The following SARDH variants were observed in gnomAD, a reference collection of about 807,000 sequenced individuals.
The protein encoded by SARDH is sarcosine dehydrogenase, mitochondrial.
Under a neutral mutation model 109.1 loss-of-function variants are expected in SARDH, and 95 were observed. The observed-to-expected ratio is 0.87, with a 90% CI of 0.74 to 1.03. The LOEUF is 1.03. Ranked by LOEUF, SARDH falls within the 50% of genes least tolerant of loss-of-function variation. The pLI is 0.00. For synonymous variants in SARDH, 572 were observed against 534.8 expected, an observed-to-expected ratio of 1.07 and a Z score of -0.96; for missense variants, 1,267 against 1,287.8, an observed-to-expected ratio of 0.98 and a Z score of 0.25.
intron 17 of SARDH, among the ~76,000 whole-genome samples, chr9:133,673,215 G>A (rs1357655717): frequency 6.6e-6 from 1 of 152,258 alleles, no homozygotes; most frequent in Non-Finnish European, 1.5e-5. Flanking sequence ...CAGGAGGCGT[G>A]ATTTTCCTCA....
In SARDH at chr9:133,733,937, G is replaced by C. The variant is rs1221775271; in HGVS notation, c.237C>G (p.Cys79Trp). ...VVVIGGGSLG[C>W]QTLYHLAKLG... is the part of the protein sequence containing the mutation. ...GCTTGGCCAGGTGGTACAGGGTCTG[G>C]CAGCCCAAGCTGCCTCCACCAATGA... Residue 79 changes from cysteine to tryptophan, a missense_variant, in exon 2 of 21, where the codon TGC becomes TGG. Transcript: ENST00000439388. The C allele has an allele frequency of 6.3e-7, 1 of 1,597,166 alleles. No individual in the cohort carries two copies. The highest frequency in any genetic ancestry group is 8.5e-7 in the Non-Finnish European group (1 of 1,171,594).
Position 133,686,270 on chromosome 9 carries a change from A to G in SARDH, c.2070-984T>C, listed in dbSNP as rs894284160. ...AAGTACCGGAGACCTCACTGGAGCC[A>G]ACACCCATGGTCTCCCAGGAAGCCC... On this transcript the variant is annotated intron_variant, in intron 16 of 20. Coordinates refer to ENST00000439388, the MANE Select transcript of SARDH (RefSeq NM_001134707.2). This position sits in a 1 kb window ranked among gnomAD's most constrained non-coding sequence, Gnocchi z 4.0. Among the ~76,000 whole-genome samples the G allele has an allele frequency of 1.3e-5, 2 of 151,980 alleles. No individual in the cohort carries two copies. The highest frequency in any genetic ancestry group is 4.8e-5 in the African/African-American group (2 of 41,366).
At position 133,729,435 on chromosome 9, in the gene SARDH, C is replaced by T. The variant is rs137887671; in HGVS notation, c.915+330G>A. On this transcript the variant is annotated intron_variant, in intron 6 of 20. Transcript: ENST00000439388. Reference sequence around the variant, plus strand: ...AGCATGCAAACATTCGGGTCTTCCCCGAAACTCCTGGGCACAGAACATGGC... The same window carrying T: ...AGCATGCAAACATTCGGGTCTTCCCTGAAACTCCTGGGCACAGAACATGGC... 8.9e-3 allele frequency among the ~76,000 whole-genome samples: 1,356 copies of T among 152,190 alleles called. 18 individuals are homozygous for T. Among genetic ancestry groups the T allele is most frequent in the African/African-American group, 0.03 (1,264 of 41,528 alleles).
intron 20 of SARDH, among the ~76,000 whole-genome samples, chr9:133,665,679 G>A (rs963006909): frequency 2.0e-5 from 3 of 152,220 alleles, no homozygotes; most frequent in African/African-American, 7.2e-5. Flanking sequence ...CAGCTCCACA[G>A]GACCATGGTC....
rs118055008 is a variant in SARDH, at chr9:133,725,830, G to A, written c.915+3935C>T. Among the ~76,000 whole-genome samples, 29 of 152,250 alleles carry A rather than the reference G, an allele frequency of 1.9e-4. No homozygotes were observed. In the East Asian group the frequency reaches 5.2e-3, roughly 27 times the overall value. On this transcript the variant is annotated intron_variant, in intron 6 of 20. Transcript: ENST00000439388. ...ATGGCGTGTGGACTCCTCTGTACCC[G>A]AGGAACAGCCTTCTCTCAATCCCTC...
downstream of SARDH, among the ~76,000 whole-genome samples, chr9:133,662,231 C>CGA (rs1401651749): frequency 1.3e-5 from 2 of 152,152 alleles, no homozygotes; most frequent in Non-Finnish European, 2.9e-5. The surrounding 1 kb of genome is among the most constrained non-coding windows in gnomAD (Gnocchi z 5.1). Context: ...CCGTTGCGTG[C>CGA]ATTCCCCAGC....
At chr9:133,724,799 C>T (rs1287977853) in intron 6 of SARDH, among the ~76,000 whole-genome samples, 1 of 152,024 alleles carries the variant, frequency 6.6e-6, no homozygotes, top group African/African-American at 2.4e-5. Context: ...ATCCAGAATA[C>T]TCCAGTGAGC....
chr9:133,710,957 G>A (rs1298856977), intron 10 of SARDH, among the ~76,000 whole-genome samples: 2 of 152,204 alleles, frequency 1.3e-5, no homozygotes, highest in Non-Finnish European at 2.9e-5. Flanking sequence ...ACTCCAGGGT[G>A]GGTGCTCCTC....
At chr9:133,723,688 A>G (rs1406633014) in intron 6 of SARDH, among the ~76,000 whole-genome samples, 1 of 152,192 alleles carries the variant, frequency 6.6e-6, no homozygotes, top group Non-Finnish European at 1.5e-5. Flanking sequence ...GCATGAACCC[A>G]GGAGGCAGAG....
rs1032815761 is a variant in SARDH at position 133,692,247 on chromosome 9, G to C, written c.1922-1720C>G. Among the ~76,000 whole-genome samples, 6 of 152,138 alleles carry C rather than the reference G, an allele frequency of 3.9e-5. No individual in the cohort carries two copies. Among genetic ancestry groups the C allele is most frequent in the African/African-American group, 1.4e-4 (6 of 41,424 alleles). The stretch of plus-strand genomic sequence containing the variant: ...GGGGCAGGTCGCTGAGCCAGGTAGT[G>C]GCAGGACCTGGCCAGGATTTTTGGT... On this transcript the variant is annotated intron_variant, in intron 15 of 20. Transcript: ENST00000439388. This position sits in a 1 kb window ranked among gnomAD's most constrained non-coding sequence, Gnocchi z 5.0.
In SARDH at chr9:133,674,431, C is replaced by T. The variant is rs190959234; in HGVS notation, c.2164-2734G>A. On this transcript the variant is annotated intron_variant, in intron 17 of 20. Coordinates refer to ENST00000439388, the MANE Select transcript of SARDH (RefSeq NM_001134707.2). ...CAAATTGCAAGATGGAACTCCTGGCCGTGGATGGAGTCACAGAATTATGGA... is the reference window on the plus strand; with the variant it reads ...CAAATTGCAAGATGGAACTCCTGGCTGTGGATGGAGTCACAGAATTATGGA... 5.7e-4 allele frequency among the ~76,000 whole-genome samples: 87 copies of T among 152,304 alleles called. 1 individual carries two copies. Among genetic ancestry groups the T allele is most frequent in the African/African-American group, 1.9e-3 (80 of 41,550 alleles).
At chr9:133,677,513 G>A (rs1376978603) in intron 17 of SARDH, among the ~76,000 whole-genome samples, 1 of 152,174 alleles carries the variant, frequency 6.6e-6, no homozygotes, top group Non-Finnish European at 1.5e-5. Flanking sequence ...TTTAGGAATA[G>A]GTGCTTTGGA....
intron 17 of SARDH, among the ~76,000 whole-genome samples, chr9:133,679,215 C>A (rs1372584987): frequency 6.6e-6 from 1 of 152,228 alleles, no homozygotes; most frequent in Non-Finnish European, 1.5e-5. Flanking sequence ...CATCAGGGAA[C>A]CTGCCCATGA....
chr9:133,690,871 C>T (rs1010180595), intron 15 of SARDH, among the ~76,000 whole-genome samples: 2 of 152,160 alleles, frequency 1.3e-5, no homozygotes, highest in Non-Finnish European at 2.9e-5. Flanking sequence ...TGCGGCTCAC[C>T]GGCCTTGCTT....
intron 8 of SARDH, among the ~76,000 whole-genome samples, chr9:133,714,766 C>T (rs971698882): frequency 6.6e-6 from 1 of 152,092 alleles, no homozygotes; most frequent in Admixed American, 6.5e-5. Context: ...GGCAACACAG[C>T]AAGACCTTTA....
intron 8 of SARDH, among the ~76,000 whole-genome samples, chr9:133,715,916 G>A (rs1832103910): frequency 6.6e-6 from 1 of 152,232 alleles, no homozygotes; most frequent in Non-Finnish European, 1.5e-5. Flanking sequence ...CTTCTGACAC[G>A]AAGTTTCCCT....
intron 1 of SARDH, among the ~76,000 whole-genome samples, chr9:133,736,362 G>T (rs1172056482): frequency 1.3e-5 from 2 of 150,130 alleles, no homozygotes; most frequent in Non-Finnish European, 3.0e-5. Context: ...TGTGTCTCAT[G>T]TTTAAATTCT....
chr9:133,731,259 G>A (rs778960043), intron 4 of SARDH, 46 bp downstream of exon 4: 14 of 1,603,442 alleles, frequency 8.7e-6, no homozygotes, highest in Non-Finnish European at 1.1e-5. Flanking sequence ...AAGGCAGGAG[G>A]AGTGGGCTGG....
intron 10 of SARDH, among the ~76,000 whole-genome samples, chr9:133,708,837 G>A (rs1443292861): frequency 6.6e-6 from 1 of 152,128 alleles, no homozygotes; most frequent in Admixed American, 6.5e-5. Flanking sequence ...GCTCTGGGGA[G>A]GGTCCATGTG....
Sources: allele counts gnomAD v4.1 joint callset (sites outside exome capture counted in the v4.1 genomes callset), GRCh38; gene constraint gnomAD v4.1.1; non-coding constraint Gnocchi (gnomAD v3.1); transcripts MANE v1.5; gene names NCBI Gene and HGNC (gene_info 2026-07-23, HGNC 2026-07-21).